Variants in ACTA1 observed in about 807,000 individuals in gnomAD.
The protein encoded by ACTA1 is actin alpha 1, skeletal muscle, also known as actin, alpha skeletal muscle.
A neutral mutation model predicts 35.8 loss-of-function variants in ACTA1; 25 were observed. That is an observed-to-expected ratio of 0.70 (90% CI 0.51 to 0.97). The LOEUF (loss-of-function observed/expected upper bound fraction) is 0.97, where lower values mean the gene tolerates loss of function less well. Ranked by LOEUF, ACTA1 falls within the 50% of genes least tolerant of loss-of-function variation. The pLI is 0.00. For missense variants in ACTA1, 174 were observed against 533.0 expected (o/e 0.33, Z 6.63); for synonymous variants, 219 against 217.1 (o/e 1.01, Z -0.08).
In ACTA1 at chr1:229,431,946, G is replaced by C. The variant is rs368965736; in HGVS notation, c.809-44C>G. 34 of 1,605,866 alleles carry C rather than the reference G, an allele frequency of 2.1e-5. No homozygotes were observed. The highest frequency in any genetic ancestry group is 2.8e-5 in the Non-Finnish European group (33 of 1,176,056). ...AGCGTGAGCAGAAGCTCGGGGCGCC[G>C]GGGGCCGGCGGGGCCTGGGGGCCGG... is the stretch of plus-strand genomic sequence containing the variant. On this transcript the variant is annotated intron_variant, in intron 5 of 6. Coordinates refer to ENST00000366684, the MANE Select transcript of ACTA1 (RefSeq NM_001100.4). This position sits in a 1 kb window ranked among gnomAD's most constrained non-coding sequence, Gnocchi z 7.1.
chr1:229,432,088 C>T lies in ACTA1; in HGVS notation c.714G>A (p.Leu238=). 1 of 1,613,040 alleles carries T rather than the reference C, an allele frequency of 6.2e-7. No individual in the cohort carries two copies. Among genetic ancestry groups the T allele is most frequent in the Non-Finnish European group, 8.5e-7 (1 of 1,179,884 alleles). ...CGTCTGGCAGCTCGTAGCTCTTTTC[C>T]AGGGAGGAGGAGGAGGCGGCCGTCG... The part of the protein sequence containing the change: ...EMATAASSSS[L]EKSYELPDGQ... Residue 238 remains leucine (L), a synonymous_variant, in exon 5 of 7, where the codon CTG becomes CTA. Coordinates refer to ENST00000366684, the MANE Select transcript of ACTA1 (RefSeq NM_001100.4).
Position 229,432,785 on chromosome 1 carries a change from G to A in ACTA1, c.225C>T (p.His75=), listed in dbSNP as rs577764297. Residue 75 remains histidine (H), a synonymous_variant, in exon 3 of 7, where the codon CAC becomes CAT. Coordinates refer to ENST00000366684, the MANE Select transcript of ACTA1 (RefSeq NM_001100.4). ...GILTLKYPIE[H]GIITNWDDME... ...TGTCATCCCAGTTGGTGATGATGCC[G>A]TGCTCGATAGGGTACTTCAGGGTCA... 6 of 1,614,202 alleles carry A rather than the reference G, an allele frequency of 3.7e-6. No individual in the cohort carries two copies. Among genetic ancestry groups the A allele is most frequent in the East Asian group, 2.2e-5 (1 of 44,876 alleles).
At position 229,432,891 on chromosome 1, in the gene ACTA1, G is replaced by C. The variant is rs202159198; in HGVS notation, c.130-11C>G. ...ACCGACCATGACGCCCTGCAGAGCC[G>C]AGACACCACGCACCCGTTAACGCCG... is the stretch of plus-strand genomic sequence containing the variant. On this transcript the variant is annotated splice_polypyrimidine_tract_variant and intron_variant, in intron 2 of 6. Coordinates refer to ENST00000366684, the MANE Select transcript of ACTA1 (RefSeq NM_001100.4). 41 of 1,614,126 alleles carry C rather than the reference G, an allele frequency of 2.5e-5. No homozygotes were observed. In the East Asian group the frequency reaches 6.9e-4, roughly 27 times the overall value.
At position 229,432,496 on chromosome 1, in the gene ACTA1, CGGCGGGGGCGGG is replaced by C. The variant is rs1170560228; in HGVS notation, c.454+48_454+59del. On this transcript the variant is annotated intron_variant, in intron 3 of 6. Coordinates refer to ENST00000366684, the MANE Select transcript of ACTA1 (RefSeq NM_001100.4). ...GCCGAGGCTAGGCTCTCAGCGCTAG[CGGCGGGGGCGGG>C]GGCGGGGGCGGGGGCGGGAGAGGGG... 2.1e-4 allele frequency: 217 copies of C among 1,026,784 alleles called. 2 individuals are homozygous for C. The highest frequency in any genetic ancestry group is 1.6e-3 in the Middle Eastern group (5 of 3,158). 63.6% of individuals were successfully genotyped at this position (1,026,784 alleles called of 1,614,324 possible).
rs1267013867 is a variant in ACTA1 at position 229,432,916 on chromosome 1, G to A, written c.130-36C>T. 7 of 1,613,890 alleles carry A rather than the reference G, an allele frequency of 4.3e-6. No individual in the cohort carries two copies. In the Admixed American group the frequency reaches 6.7e-5, roughly 15 times the overall value. On this transcript the variant is annotated intron_variant, in intron 2 of 6. Transcript: ENST00000366684. ...GAGACACCACGCACCCGTTAACGCC[G>A]CTCCGGGTGGCACCAGGCTGGCTTA...
At position 229,432,920 on chromosome 1, in the gene ACTA1, C is replaced by T. The variant is rs780025155; in HGVS notation, c.130-40G>A. 2.7e-5 allele frequency: 43 copies of T among 1,613,930 alleles called. No homozygotes were observed. The East Asian group carries it at 3.6e-4, about 13-fold the overall frequency. On this transcript the variant is annotated intron_variant, in intron 2 of 6. Coordinates refer to ENST00000366684, the MANE Select transcript of ACTA1 (RefSeq NM_001100.4). ...CACCACGCACCCGTTAACGCCGCTCCGGGTGGCACCAGGCTGGCTTACGCG... is the reference window on the plus strand; with the variant it reads ...CACCACGCACCCGTTAACGCCGCTCTGGGTGGCACCAGGCTGGCTTACGCG...
In ACTA1 at chr1:229,431,550, C is replaced by T. The variant is rs1452648745; in HGVS notation, c.1083G>A (p.Lys361=). 6 of 1,613,750 alleles carry T rather than the reference C, an allele frequency of 3.7e-6. No individual in the cohort carries two copies. In the African/African-American group the frequency reaches 6.7e-5, roughly 18 times the overall value. The change falls in exon 7 of 7, where the codon AAG becomes AAA. Residue 361 remains lysine (K), a synonymous_variant. Transcript: ENST00000366684. The surrounding 1 kb of genome is among the most constrained non-coding windows in gnomAD (Gnocchi z 7.1). ...LSTFQQMWIT[K]QEYDEAGPSI... is the part of the protein sequence containing the mutation. ...AAGGGCCGGCCTCGTCGTACTCCTGCTTGGTGATCCACATCTGCTGGAAGG... is the reference window on the plus strand; with the variant it reads ...AAGGGCCGGCCTCGTCGTACTCCTGTTTGGTGATCCACATCTGCTGGAAGG...
In ACTA1 at chr1:229,432,120, C is replaced by A. The variant is rs1558081664; in HGVS notation, c.682G>T (p.Glu228Ter). The A allele has an allele frequency of 2.5e-6, 4 of 1,613,416 alleles. No individual in the cohort carries two copies. Among genetic ancestry groups the A allele is most frequent in the Non-Finnish European group, 2.5e-6 (3 of 1,179,906 alleles). ...LCYVALDFEN[E>*]MATAASSSSL... is the part of the protein sequence containing the mutation. ...GAGGAGGAGGCGGCCGTCGCCATCT[C>A]GTTCTCGAAGTCCAGGGCCACGTAG... The change falls in exon 5 of 7, where the codon GAG (glutamate) becomes TAG (stop). Residue 228 changes from glutamate to a stop codon, truncating the protein, a stop_gained. Coordinates refer to ENST00000366684, the MANE Select transcript of ACTA1 (RefSeq NM_001100.4). LOFTEE classifies it high-confidence loss of function.
intron 1 of ACTA1, among the ~76,000 whole-genome samples, chr1:229,433,728 G>A (rs928766507): frequency 1.3e-5 from 2 of 152,262 alleles, no homozygotes; most frequent in African/African-American, 2.4e-5. Flanking sequence ...CTGCCTTGGC[G>A]ACAACTAAAG....
chr1:229,432,899 A>G lies in ACTA1; in HGVS notation c.130-19T>C, dbSNP rs1659981236. On this transcript the variant is annotated intron_variant, in intron 2 of 6. Coordinates refer to ENST00000366684, the MANE Select transcript of ACTA1 (RefSeq NM_001100.4). Reference sequence around the variant, plus strand: ...TGACGCCCTGCAGAGCCGAGACACCACGCACCCGTTAACGCCGCTCCGGGT... The same window carrying G: ...TGACGCCCTGCAGAGCCGAGACACCGCGCACCCGTTAACGCCGCTCCGGGT... 1.2e-6 allele frequency: 2 copies of G among 1,613,894 alleles called. No homozygotes were observed. The highest frequency in any genetic ancestry group is 1.3e-5 in the African/African-American group (1 of 74,892).
chr1:229,431,333 G>A lies in ACTA1; in HGVS notation c.*166C>T, dbSNP rs1238169105. 8 of 920,990 alleles carry A rather than the reference G, an allele frequency of 8.7e-6. No homozygotes were observed. Among genetic ancestry groups the A allele is most frequent in the South Asian group, 1.4e-5 (1 of 68,978 alleles). The allele number at this position is 920,990 out of a possible 1,614,324, so 57.1% of individuals were successfully genotyped here. A position where few individuals can be genotyped will look rare whatever the true frequency, so the allele number is the denominator to read the frequency against. On this transcript the variant is annotated 3_prime_UTR_variant, in exon 7 of 7. Coordinates refer to ENST00000366684, the MANE Select transcript of ACTA1 (RefSeq NM_001100.4). This position sits in a 1 kb window ranked among gnomAD's most constrained non-coding sequence, Gnocchi z 7.1. ...TTTGTTTCGAAAAATAACAAAATGA[G>A]GTAATAAGTTAATGTATGTACACGT...
At position 229,432,893 on chromosome 1, in the gene ACTA1, G is replaced by A. The variant is rs1292292513; in HGVS notation, c.130-13C>T. The A allele has an allele frequency of 1.9e-6, 3 of 1,614,142 alleles. No homozygotes were observed. The highest frequency in any genetic ancestry group is 2.5e-6 in the Non-Finnish European group (3 of 1,179,992). ...CGACCATGACGCCCTGCAGAGCCGA[G>A]ACACCACGCACCCGTTAACGCCGCT... On this transcript the variant is annotated splice_polypyrimidine_tract_variant and intron_variant, in intron 2 of 6. Coordinates refer to ENST00000366684, the MANE Select transcript of ACTA1 (RefSeq NM_001100.4).
Position 229,432,045 on chromosome 1 carries a change from C to G in ACTA1, c.757G>C (p.Gly253Arg). 1 of 1,612,128 alleles carries G rather than the reference C, an allele frequency of 6.2e-7. No homozygotes were observed. Among genetic ancestry groups the G allele is most frequent in the Non-Finnish European group, 8.5e-7 (1 of 1,179,700 alleles). Residue 253 changes from glycine to arginine, a missense_variant, in exon 5 of 7, where the codon GGC (glycine) becomes CGC (arginine). Coordinates refer to ENST00000366684, the MANE Select transcript of ACTA1 (RefSeq NM_001100.4). ...ELPDGQVITI[G>R]NERFRCPETL... is the part of the protein sequence containing the mutation. ...TCCGGGCAGCGGAAGCGCTCGTTGCCGATGGTGATGACCTGCCCGTCTGGC... is the reference window on the plus strand; with the variant it reads ...TCCGGGCAGCGGAAGCGCTCGTTGCGGATGGTGATGACCTGCCCGTCTGGC...
In ACTA1 at chr1:229,433,092, G is replaced by A. The variant is rs762659680; in HGVS notation, c.24C>T (p.Thr8=). Residue 8 remains threonine (T), a synonymous_variant, in exon 2 of 7, where the codon ACC becomes ACT. Coordinates refer to ENST00000366684, the MANE Select transcript of ACTA1 (RefSeq NM_001100.4). MCDEDET[T]ALVCDNGSGL... ...CGGAGCCATTGTCGCACACGAGGGC[G>A]GTGGTCTCGTCTTCGTCGCACATTG... 6.8e-6 allele frequency: 11 copies of A among 1,614,176 alleles called. No homozygotes were observed. The highest frequency in any genetic ancestry group is 1.6e-4 in the Middle Eastern group (1 of 6,062).
In ACTA1 at chr1:229,431,461, G is replaced by T. The variant is rs776819377; in HGVS notation, c.*38C>A. On this transcript the variant is annotated 3_prime_UTR_variant, in exon 7 of 7. Coordinates refer to ENST00000366684, the MANE Select transcript of ACTA1 (RefSeq NM_001100.4). This position sits in a 1 kb window ranked among gnomAD's most constrained non-coding sequence, Gnocchi z 7.1. ...AGCCGCCCCCCCATTGAGAAGATTC[G>T]TCGTCCTGAGAAGTCGCGTGCTGGA... 2 of 1,612,372 alleles carry T rather than the reference G, an allele frequency of 1.2e-6. No homozygotes were observed. The highest frequency in any genetic ancestry group is 3.3e-5 in the Admixed American group (2 of 60,026).
intron 1 of ACTA1, among the ~76,000 whole-genome samples, 168 bp downstream of exon 1, chr1:229,433,832 GCTGA>G (rs59268075): frequency 0.046 from 7,014 of 152,316 alleles, 475 homozygotes; most frequent in African/African-American, 0.15. Context: ...ATTTCCAGAG[GCTGA>G]CTGTCTTGCC....
Position 229,431,678 on chromosome 1 carries a change from C to T in ACTA1, c.991-36G>A. On this transcript the variant is annotated intron_variant, in intron 6 of 6. Transcript: ENST00000366684. This position sits in a 1 kb window ranked among gnomAD's most constrained non-coding sequence, Gnocchi z 7.1. ...GCGCGTGAGGTGGGGAGACCTCACCCTGGAGCCCACCCCGCCGACAGCCCG... is the reference window on the plus strand; with the variant it reads ...GCGCGTGAGGTGGGGAGACCTCACCTTGGAGCCCACCCCGCCGACAGCCCG... The T allele has an allele frequency of 6.2e-7, 1 of 1,614,006 alleles. No individual in the cohort carries two copies. Among genetic ancestry groups the T allele is most frequent in the Non-Finnish European group, 8.5e-7 (1 of 1,179,984 alleles).
chr1:229,432,806 G>C lies in ACTA1; in HGVS notation c.204C>G (p.Thr68=). 1.2e-6 allele frequency: 2 copies of C among 1,614,166 alleles called. No homozygotes were observed. Residue 68 remains threonine (T), a synonymous_variant, in exon 3 of 7, where the codon ACC becomes ACG. Coordinates refer to ENST00000366684, the MANE Select transcript of ACTA1 (RefSeq NM_001100.4). ...TGCCGTGCTCGATAGGGTACTTCAG[G>C]GTCAGGATACCTCTCTTGCTCTGAG... ...DEAQSKRGIL[T]LKYPIEHGII...
At chr1:229,433,204 G>C (rs1659991691) in intron 1 of ACTA1, 77 bp from the exon 2 acceptor site, 2 of 1,596,620 alleles carry the variant, frequency 1.3e-6, no homozygotes, top group Admixed American at 3.3e-5. Flanking sequence ...GGTAAGCCTG[G>C]CTGGCCCCGA....
Sources: gnomAD v4.1 joint callset for allele counts (sites outside exome capture counted in the v4.1 genomes callset) on GRCh38, gnomAD v4.1.1 for gene constraint, Gnocchi (gnomAD v3.1) non-coding constraint, MANE v1.5 for transcripts, NCBI Gene and HGNC (gene_info 2026-07-23, HGNC 2026-07-21) for gene names.